The following RNF169 variants were observed in gnomAD, a reference collection of about 807,000 sequenced individuals.
RNF169 encodes ring finger protein 169.
RNF169 carries 24 observed loss-of-function variants against 53.9 expected under a neutral mutation model. That is an observed-to-expected ratio of 0.45 (90% confidence interval 0.32 to 0.63). The LOEUF (loss-of-function observed/expected upper bound fraction) is 0.63. RNF169 is among the 20% of genes least tolerant of loss of function. The pLI is 0.04. For missense variants in RNF169, 883 were observed against 906.2 expected (o/e 0.97, Z 0.33); for synonymous variants, 396 against 363.5 (o/e 1.09, Z -1.02).
At position 74,835,993 on chromosome 11, in the gene RNF169, C is replaced by T; in HGVS notation, c.1390C>T (p.Leu464=). The T allele has an allele frequency of 6.2e-7, 1 of 1,614,208 alleles. No homozygotes were observed. Among genetic ancestry groups the T allele is most frequent in the Non-Finnish European group, 8.5e-7 (1 of 1,180,042 alleles). ...GGCTCCTGAAATGGGGGAAGAGTTA[C>T]TAGGCTCTGAAGGTATCCATTCTAG... ...SLAPEMGEEL[L]GSEGIHSSKE... The change falls in exon 6 of 6, where the codon CTA becomes TTA. Residue 464 remains leucine (L), a synonymous_variant. Transcript: ENST00000299563.
Position 74,797,507 on chromosome 11 carries a change from T to C in RNF169, c.576+7808T>C, listed in dbSNP as rs1327862518. ...TCGATTATAAATCTTTCAAGATAGA[T>C]CTGTTTGTTTTAGTCTCTTTAACTC... On this transcript the variant is annotated intron_variant, in intron 2 of 5. Transcript: ENST00000299563. Among the ~76,000 whole-genome samples the C allele has an allele frequency of 2.0e-5, 3 of 152,320 alleles. No individual in the cohort carries two copies. The East Asian group carries it at 5.8e-4, about 29-fold the overall frequency.
At chr11:74,803,230 C>T (rs1291129858) in intron 2 of RNF169, among the ~76,000 whole-genome samples, 3 of 152,076 alleles carry the variant, frequency 2.0e-5, no homozygotes, top group Non-Finnish European at 2.9e-5. Flanking sequence ...GAACTACAGG[C>T]GCCCACCACC....
At chr11:74,765,640 A>G (rs2035161548) in intron 1 of RNF169, among the ~76,000 whole-genome samples, 1 of 152,040 alleles carries the variant, frequency 6.6e-6, no homozygotes, top group Non-Finnish European at 1.5e-5. Context: ...ATCTCTACTA[A>G]AAATACAAAA....
Position 74,836,499 on chromosome 11 carries a change from A to G in RNF169, c.1896A>G (p.Glu632=), listed in dbSNP as rs768450018. Residue 632 remains glutamate, a synonymous_variant, in exon 6 of 6, where the codon GAA becomes GAG. Transcript: ENST00000299563. Reference sequence around the variant, plus strand: ...GACACTGCAAGACCAAGCACTTAGAACAAAATGGCTCCCTTAAAAAACTGC... The same window carrying G: ...GACACTGCAAGACCAAGCACTTAGAGCAAAATGGCTCCCTTAAAAAACTGC... ...RKRHCKTKHL[E]QNGSLKKLRQ... 1 of 1,614,208 alleles carries G rather than the reference A, an allele frequency of 6.2e-7. No homozygotes were observed. The highest frequency in any genetic ancestry group is 8.5e-7 in the Non-Finnish European group (1 of 1,180,044).
chr11:74,809,556 C>G (rs1591419873), intron 2 of RNF169, among the ~76,000 whole-genome samples: 1 of 152,222 alleles, frequency 6.6e-6, no homozygotes, highest in African/African-American at 2.4e-5. Flanking sequence ...TTCAGTGGCT[C>G]ATGCCTGTAA....
Position 74,836,770 on chromosome 11 carries a change from C to T in RNF169, c.*40C>T, listed in dbSNP as rs2036264208. On this transcript the variant is annotated 3_prime_UTR_variant, in exon 6 of 6. Coordinates refer to ENST00000299563, the MANE Select transcript of RNF169 (RefSeq NM_001098638.2). ...TTACCTATTTTTAAAAGGTCTTAGG[C>T]CTTGATCATTTATCCTGAAGAGCTG... The T allele has an allele frequency of 1.4e-6, 2 of 1,459,164 alleles. No homozygotes were observed. The highest frequency in any genetic ancestry group is 9.3e-7 in the Non-Finnish European group (1 of 1,073,624). The allele number at this position is 1,459,164 out of a possible 1,614,324, so 90.4% of individuals were successfully genotyped here. A position where few individuals can be genotyped will look rare whatever the true frequency, so the allele number is the denominator to read the frequency against.
chr11:74,768,468 G>A (rs548450194), intron 1 of RNF169, among the ~76,000 whole-genome samples: 1 of 152,086 alleles, frequency 6.6e-6, no homozygotes, highest in Non-Finnish European at 1.5e-5. Context: ...TTAGTCAGGC[G>A]TGATGGCGCA....
At chr11:74,749,403 C>A in intron 1 of RNF169, 21 bp downstream of exon 1, 1 of 1,241,676 alleles carries the variant, frequency 8.1e-7, no homozygotes, top group South Asian at 3.5e-5. Context: ...CCCACTTCCC[C>A]TTAGGGTCTG....
intron 2 of RNF169, among the ~76,000 whole-genome samples, chr11:74,802,872 G>C (rs1348797321): frequency 6.7e-6 from 1 of 149,158 alleles, no homozygotes; most frequent in Non-Finnish European, 1.5e-5. Context: ...AAAGCTCACA[G>C]TATCTGGGGG....
At chr11:74,814,998 C>T (rs1049041620) in intron 3 of RNF169, among the ~76,000 whole-genome samples, 14 of 152,154 alleles carry the variant, frequency 9.2e-5, no homozygotes, top group Non-Finnish European at 1.5e-4. Flanking sequence ...GAGTACTAAA[C>T]TAATTTCCTC....
chr11:74,760,439 T>A (rs1565169975), intron 1 of RNF169, among the ~76,000 whole-genome samples: 1 of 152,186 alleles, frequency 6.6e-6, no homozygotes, highest in African/African-American at 2.4e-5. Flanking sequence ...CTTTCTCTTG[T>A]GGGCATTCAG....
At chr11:74,785,440 CA>C (rs892203997) in intron 1 of RNF169, among the ~76,000 whole-genome samples, 50 of 145,984 alleles carry the variant, frequency 3.4e-4, no homozygotes, top group African/African-American at 1.1e-3. Flanking sequence ...TGCAAGCCCA[CA>C]AAAAAAAAGT....
intron 4 of RNF169, among the ~76,000 whole-genome samples, chr11:74,829,683 G>T (rs1163505142): frequency 6.6e-6 from 1 of 152,180 alleles, no homozygotes; most frequent in African/African-American, 2.4e-5. Flanking sequence ...ACAAGATTAT[G>T]TCCTTTGCAG....
chr11:74,834,220 G>A (rs1019766920), intron 4 of RNF169, among the ~76,000 whole-genome samples: 3 of 152,156 alleles, frequency 2.0e-5, no homozygotes, highest in Non-Finnish European at 4.4e-5. Flanking sequence ...ATTTAATTTT[G>A]ACTCTGTACA....
chr11:74,785,197 G>A (rs970328444), intron 1 of RNF169, among the ~76,000 whole-genome samples: 2 of 111,066 alleles, frequency 1.8e-5, no homozygotes, highest in Admixed American at 9.1e-5. Context: ...ATATATATAT[G>A]ATATATATAT....
intron 1 of RNF169, among the ~76,000 whole-genome samples, chr11:74,782,416 A>G (rs1358758900): frequency 6.6e-6 from 1 of 152,196 alleles, no homozygotes; most frequent in East Asian, 1.9e-4. Context: ...TCATAGGAGC[A>G]TGAACCCTAT....
chr11:74,814,168 A>G (rs1183762365), intron 3 of RNF169, among the ~76,000 whole-genome samples: 2 of 151,886 alleles, frequency 1.3e-5, no homozygotes, highest in Non-Finnish European at 2.9e-5. Context: ...TAAAAAATAC[A>G]AAAGTTAGCT....
chr11:74,768,144 ATAAT>A (rs756038339), intron 1 of RNF169, among the ~76,000 whole-genome samples: 4 of 152,234 alleles, frequency 2.6e-5, no homozygotes, highest in Non-Finnish European at 5.9e-5. Context: ...GGGTGGTTGA[ATAAT>A]TAATGTTAAA....
intron 4 of RNF169, among the ~76,000 whole-genome samples, chr11:74,821,149 A>C (rs1467279301): frequency 6.6e-6 from 1 of 152,198 alleles, no homozygotes; most frequent in Non-Finnish European, 1.5e-5. Context: ...TGTGTTTTGA[A>C]ATTATCTATC....
Sources: allele counts gnomAD v4.1 joint callset (sites outside exome capture counted in the v4.1 genomes callset), GRCh38; gene constraint gnomAD v4.1.1; transcripts MANE v1.5; gene names NCBI Gene and HGNC (gene_info 2026-07-23, HGNC 2026-07-21).